Variants in PDZRN3 observed in about 807,000 individuals in gnomAD.
PDZRN3 encodes E3 ubiquitin-protein ligase PDZRN3.
PDZRN3 carries 38 observed loss-of-function variants against 85.7 expected under a neutral mutation model. The ratio of observed to expected loss-of-function variants is 0.44; its 90% CI spans 0.34 to 0.58. The LOEUF is 0.58. PDZRN3 is among the 20% of genes least tolerant of loss of function. PDZRN3 has a pLI of 0.01. For synonymous variants in PDZRN3, 759 were observed against 638.0 expected (o/e 1.19, Z -2.86); for missense variants, 1,629 against 1,506.4 (o/e 1.08, Z -1.35).
At chr3:73,556,231 A>C (rs1365365972) in intron 3 of PDZRN3, among the ~76,000 whole-genome samples, 3 of 152,204 alleles carry the variant, frequency 2.0e-5, no homozygotes, top group Admixed American at 2.0e-4. Flanking sequence ...CATTTGAGAA[A>C]AATATTTAAA....
At chr3:73,604,981 G>C (rs1313068632) in intron 2 of PDZRN3, among the ~76,000 whole-genome samples, 1 of 152,166 alleles carries the variant, frequency 6.6e-6, no homozygotes, top group African/African-American at 2.4e-5. Context: ...AGCACTTTGG[G>C]AGGCCGAGGC....
At chr3:73,469,993 A>G (rs1485939564) in intron 3 of PDZRN3, among the ~76,000 whole-genome samples, 2 of 152,280 alleles carry the variant, frequency 1.3e-5, no homozygotes, top group Non-Finnish European at 1.5e-5. Context: ...TCTACCCACT[A>G]GATGCTAGTT....
chr3:73,532,189 T>C (rs772739175), intron 3 of PDZRN3, among the ~76,000 whole-genome samples: 24 of 151,868 alleles, frequency 1.6e-4, no homozygotes, highest in Admixed American at 1.5e-3. Context: ...TTTTTTTTAG[T>C]AGAGACGGGG....
chr3:73,384,304 G>A lies in PDZRN3; in HGVS notation c.2262C>T (p.Ser754=). 1 of 1,612,600 alleles carries A rather than the reference G, an allele frequency of 6.2e-7. No homozygotes were observed. Among genetic ancestry groups the A allele is most frequent in the Non-Finnish European group, 8.5e-7 (1 of 1,180,024 alleles). The change falls in exon 10 of 10, where the codon AGC becomes AGT. Residue 754 remains serine, a synonymous_variant. Coordinates refer to ENST00000263666, the MANE Select transcript of PDZRN3 (RefSeq NM_015009.3). ...TELPEKSDKD[S]SSAYNTGESC... ...TCTCGCCTGTGTTGTAGGCGCTCGA[G>A]CTGTCCTTGTCGGATTTCTCCGGGA...
At chr3:73,423,988 A>G (rs957953316) in intron 3 of PDZRN3, among the ~76,000 whole-genome samples, 1 of 152,206 alleles carries the variant, frequency 6.6e-6, no homozygotes, top group African/African-American at 2.4e-5. Context: ...GGGCTTGTCT[A>G]TAAGATATAC....
chr3:73,426,870 A>G (rs1399734944), intron 3 of PDZRN3, among the ~76,000 whole-genome samples: 1 of 152,132 alleles, frequency 6.6e-6, no homozygotes, highest in Non-Finnish European at 1.5e-5. Flanking sequence ...CTGAGAACTA[A>G]TGACTTAAAA....
intron 3 of PDZRN3, among the ~76,000 whole-genome samples, chr3:73,406,042 T>G (rs1701848536): frequency 6.6e-6 from 1 of 152,232 alleles, no homozygotes; most frequent in African/African-American, 2.4e-5. Flanking sequence ...AGGTTATTAA[T>G]GATTTGGATT....
chr3:73,623,789 T>G, intron 1 of PDZRN3: 1 of 265,162 alleles, frequency 3.8e-6, no homozygotes, highest in Non-Finnish European at 7.1e-6. Flanking sequence ...TGAACGCAGT[T>G]TTGACTCTGG....
At chr3:73,546,936 G>A (rs1443541255) in intron 3 of PDZRN3, among the ~76,000 whole-genome samples, 5 of 152,194 alleles carry the variant, frequency 3.3e-5, no homozygotes, top group South Asian at 4.1e-4. Context: ...GCTGGAAGAT[G>A]AGGTGAGAAC....
intron 3 of PDZRN3, among the ~76,000 whole-genome samples, chr3:73,441,808 A>G (rs1052017392): frequency 1.3e-5 from 2 of 152,184 alleles, no homozygotes; most frequent in Non-Finnish European, 2.9e-5. Flanking sequence ...AGGAAACACA[A>G]TGTACTCGTG....
At chr3:73,580,406 C>A (rs1702183355) in intron 3 of PDZRN3, among the ~76,000 whole-genome samples, 1 of 152,248 alleles carries the variant, frequency 6.6e-6, no homozygotes, top group South Asian at 2.1e-4. Flanking sequence ...GTCTGTTGTG[C>A]AGCCAGCTCT....
intron 3 of PDZRN3, among the ~76,000 whole-genome samples, chr3:73,460,961 T>G (rs939785648): frequency 6.6e-6 from 1 of 152,050 alleles, no homozygotes; most frequent in Non-Finnish European, 1.5e-5. Flanking sequence ...GCTGGGCTAA[T>G]TTTTGTATTT....
intron 3 of PDZRN3, among the ~76,000 whole-genome samples, chr3:73,506,211 G>A (rs1262924066): frequency 1.3e-5 from 2 of 152,112 alleles, no homozygotes; most frequent in African/African-American, 4.8e-5. Flanking sequence ...GAGAGCACAG[G>A]CCCCAGGGCT....
intron 1 of PDZRN3, among the ~76,000 whole-genome samples, chr3:73,619,944 C>T (rs1342415291): frequency 1.3e-5 from 2 of 152,204 alleles, no homozygotes; most frequent in Admixed American, 6.5e-5. Flanking sequence ...AATTTTGCCC[C>T]TCAAGGGACG....
At chr3:73,448,454 G>A (rs191789864) in intron 3 of PDZRN3, among the ~76,000 whole-genome samples, 45 of 152,316 alleles carry the variant, frequency 3.0e-4, no homozygotes, top group African/African-American at 1.1e-3. Context: ...ATAGCTCAGC[G>A]TCTGGTGTAA....
chr3:73,550,553 G>A, intron 3 of PDZRN3, among the ~76,000 whole-genome samples: 1 of 152,204 alleles, frequency 6.6e-6, no homozygotes, highest in East Asian at 1.9e-4. Context: ...ACTGTTGTAA[G>A]CAGACCTGCC....
rs547411998 is a variant in PDZRN3 at position 73,428,436 on chromosome 3, C to T, written c.919-24041G>A. Among the ~76,000 whole-genome samples the T allele has an allele frequency of 5.1e-4, 78 of 152,268 alleles. 1 individual carries two copies. The highest frequency in any genetic ancestry group is 1.8e-3 in the African/African-American group (75 of 41,532). ...TCTTCCTAACAAACACTACAAAATC[C>T]AACTTATTCAACCAACCATGTGCTG... On this transcript the variant is annotated intron_variant, in intron 3 of 9. Transcript: ENST00000263666.
intron 3 of PDZRN3, among the ~76,000 whole-genome samples, chr3:73,518,890 T>G (rs187214101): frequency 6.6e-6 from 1 of 152,206 alleles, no homozygotes; most frequent in Non-Finnish European, 1.5e-5. Flanking sequence ...TTTCAACCCA[T>G]GAATGTTGTG....
At chr3:73,534,570 G>C (rs537541414) in intron 3 of PDZRN3, among the ~76,000 whole-genome samples, 24 of 152,262 alleles carry the variant, frequency 1.6e-4, no homozygotes, top group African/African-American at 5.8e-4. Flanking sequence ...ATGTTCATGG[G>C]AACTAATGAC....
Sources: gnomAD v4.1 joint callset for allele counts (sites outside exome capture counted in the v4.1 genomes callset) on GRCh38, gnomAD v4.1.1 for gene constraint, MANE v1.5 for transcripts, NCBI Gene and HGNC (gene_info 2026-07-23, HGNC 2026-07-21) for gene names.